ZNF398: variants seen among roughly 807,000 people sequenced by gnomAD.
ZNF398 encodes zinc finger protein 398, also known as zinc finger DNA binding protein ZER6.
A neutral mutation model predicts 41.9 loss-of-function variants in ZNF398; 18 were observed. The observed-to-expected ratio is 0.43, with a 90% CI of 0.30 to 0.64. ZNF398 has a LOEUF of 0.64. ZNF398 is among the 30% of genes least tolerant of loss of function. The pLI, the probability that ZNF398 is intolerant of heterozygous loss-of-function variation, is 0.14. For missense variants in ZNF398, 669 were observed against 822.8 expected (o/e 0.81, Z 2.29); for synonymous variants, 260 against 308.8 (o/e 0.84, Z 1.66).
intron 2 of ZNF398, among the ~76,000 whole-genome samples, chr7:149,138,528 C>T (rs545185405): frequency 5.3e-5 from 8 of 152,090 alleles, no homozygotes; most frequent in African/African-American, 7.2e-5. Context: ...TGCAATGAGC[C>T]GAGATCGTGC....
At chr7:149,142,480 A>C (rs986617370), upstream of ZNF398, among the ~76,000 whole-genome samples, 2 of 152,166 alleles carry the variant, frequency 1.3e-5, no homozygotes, top group African/African-American at 4.8e-5. Context: ...ATCCTGGCTA[A>C]CACGGTGAAA....
intron 2 of ZNF398, among the ~76,000 whole-genome samples, chr7:149,140,946 G>A (rs1013996827): frequency 3.3e-5 from 5 of 151,260 alleles, no homozygotes; most frequent in African/African-American, 7.3e-5. Flanking sequence ...AGGCTGAGAC[G>A]GGAGAATTGC....
chr7:149,128,269 C>A (rs905062613), intron 1 of ZNF398, among the ~76,000 whole-genome samples: 1 of 152,052 alleles, frequency 6.6e-6, no homozygotes, highest in Non-Finnish European at 1.5e-5. Context: ...CAACTCCAAG[C>A]GGTGCTTACA....
At chr7:149,130,404 G>A (rs550421868) in intron 2 of ZNF398, among the ~76,000 whole-genome samples, 49 of 152,296 alleles carry the variant, frequency 3.2e-4, no homozygotes, top group Non-Finnish European at 1.8e-4. Context: ...CCTTTTCCAA[G>A]TTTTGGAATT....
Position 149,141,447 on chromosome 7 carries a change from C to CTTTTTTTTTTTT in ZNF398, c.-489-12490_-489-12489insTTTTTTTTTTTT, listed in dbSNP as rs35331670. Among the ~76,000 whole-genome samples, 8 of 116,816 alleles carry CTTTTTTTTTTTT rather than the reference C, an allele frequency of 6.8e-5. 3 individuals carry two copies. The highest frequency in any genetic ancestry group is 1.1e-4 in the Admixed American group (1 of 9,002). 76.6% of individuals were successfully genotyped at this position (116,816 alleles called of 152,430 possible). ...AGTAGCTAGGATTACAGCTACTTTT[C>CTTTTTTTTTTTT]TTTTTTTTCTTTTTTTTTTTTTTTT... On this transcript the variant is annotated intron_variant, in intron 2 of 6. Coordinates refer to the ZNF398 transcript ENST00000426851.
chr7:149,169,377 G>T (rs1024678698), intron 4 of ZNF398, among the ~76,000 whole-genome samples: 3 of 152,098 alleles, frequency 2.0e-5, no homozygotes, highest in Non-Finnish European at 4.4e-5. Context: ...GAGCCACCGT[G>T]CCTGGCCTGT....
chr7:149,128,414 T>G (rs529896813), intron 1 of ZNF398, among the ~76,000 whole-genome samples: 1 of 152,194 alleles, frequency 6.6e-6, no homozygotes, highest in African/African-American at 2.4e-5. Flanking sequence ...GTGACTGTCT[T>G]TAGATGGCAA....
chr7:149,142,508 A>G (rs914518564), upstream of ZNF398, among the ~76,000 whole-genome samples: 1 of 152,170 alleles, frequency 6.6e-6, no homozygotes, highest in South Asian at 2.1e-4. Flanking sequence ...TCTACTAAAA[A>G]TACAAAAAAT....
intron 2 of ZNF398, among the ~76,000 whole-genome samples, chr7:149,136,335 C>G (rs1826712907): frequency 6.6e-6 from 1 of 152,260 alleles, no homozygotes; most frequent in African/African-American, 2.4e-5. Flanking sequence ...AGAGGCACTC[C>G]TCACTTTTTA....
intron 2 of ZNF398, among the ~76,000 whole-genome samples, chr7:149,157,530 CA>C (rs775907640): frequency 2.3e-3 from 176 of 77,816 alleles, no homozygotes; most frequent in Admixed American, 2.3e-3. Flanking sequence ...GACTCCGTCT[CA>C]AAAAAAAAAA....
chr7:149,141,761 T>C (rs1470547280), intron 2 of ZNF398, among the ~76,000 whole-genome samples: 1 of 151,526 alleles, frequency 6.6e-6, no homozygotes, highest in African/African-American at 2.4e-5. Flanking sequence ...GCCTAATTTT[T>C]GTATTTTTGT....
At chr7:149,139,203 C>T (rs1826773646) in intron 2 of ZNF398, among the ~76,000 whole-genome samples, 1 of 152,018 alleles carries the variant, frequency 6.6e-6, no homozygotes, top group East Asian at 1.9e-4. Flanking sequence ...AGCCACTGCG[C>T]CCAGCCAATT....
Position 149,180,563 on chromosome 7 carries a change from A to G in ZNF398, c.*762A>G, listed in dbSNP as rs2129522117. ...ATCTTTGCCAAGGTCCTGGTTAAAA[A>G]AATTGGAAACGGTTTTCTTAGCCCC... is the stretch of plus-strand genomic sequence containing the variant. On this transcript the variant is annotated 3_prime_UTR_variant, in exon 6 of 6. Coordinates refer to ENST00000475153, the MANE Select transcript of ZNF398 (RefSeq NM_170686.3). 1 of 152,374 alleles carries G rather than the reference A, an allele frequency of 6.6e-6. No individual in the cohort carries two copies. Among genetic ancestry groups the G allele is most frequent in the Non-Finnish European group, 1.5e-5 (1 of 68,038 alleles). 9.4% of individuals were successfully genotyped at this position (152,374 alleles called of 1,614,324 possible).
At position 149,179,317 on chromosome 7, in the gene ZNF398, C is replaced by T; in HGVS notation, c.1445C>T (p.Pro482Leu). The T allele has an allele frequency of 6.2e-7, 1 of 1,613,274 alleles. No homozygotes were observed. Among genetic ancestry groups the T allele is most frequent in the Non-Finnish European group, 8.5e-7 (1 of 1,179,990 alleles). The change falls in exon 6 of 6, where the codon CCT becomes CTT. Residue 482 changes from proline to leucine, a missense_variant. By Grantham distance (98) the Pro-to-Leu change is moderately conservative. Around this residue, in one of 3 missense-constraint regions of ZNF398, gnomAD observed 210 missense variants for 290.4 expected, o/e 0.72. Coordinates refer to ENST00000475153, the MANE Select transcript of ZNF398 (RefSeq NM_170686.3). This position sits in a 1 kb window ranked among gnomAD's most constrained non-coding sequence, Gnocchi z 6.1. ...CAGCGGGGTCATGCACAAGAGCGCC[C>T]TTTCTCCTGCCCTCAGTGTGGCATT... is the stretch of plus-strand genomic sequence containing the variant. ...LHQRGHAQERPFSCPQCGIDF... is the reference protein window; with the variant it reads ...LHQRGHAQERLFSCPQCGIDF...
In ZNF398 at chr7:149,179,197, T is replaced by TCACCAGC; in HGVS notation, c.1330_1336dup (p.Arg446GlnfsTer48). On this transcript the variant is annotated frameshift_variant, in exon 6 of 6. Coordinates refer to ENST00000475153, the MANE Select transcript of ZNF398 (RefSeq NM_170686.3). LOFTEE classifies it high-confidence loss of function. This position sits in a 1 kb window ranked among gnomAD's most constrained non-coding sequence, Gnocchi z 6.1. ...AAGCGCTTTGCTGACCAGGCTCGAC[T>TCACCAGC]CACCAGCCACCGGAGAGCTCATGCA... 6.2e-7 allele frequency: 1 copy of TCACCAGC among 1,613,574 alleles called. No homozygotes were observed. The highest frequency in any genetic ancestry group is 8.5e-7 in the Non-Finnish European group (1 of 1,179,988).
intron 2 of ZNF398, among the ~76,000 whole-genome samples, chr7:149,133,763 T>TTTTTTTTTTTTTTG (rs1826654292): frequency 7.1e-6 from 1 of 140,276 alleles, no homozygotes; most frequent in African/African-American, 2.7e-5. Flanking sequence ...TTTTTTTTTT[T>TTTTTTTTTTTTTTG]GTTTTTTTGA....
At position 149,178,748 on chromosome 7, in the gene ZNF398, T is replaced by C; in HGVS notation, c.876T>C (p.Ala292=). 1.9e-6 allele frequency: 3 copies of C among 1,614,214 alleles called. No individual in the cohort carries two copies. The highest frequency in any genetic ancestry group is 2.2e-5 in the East Asian group (1 of 44,890). ...CTCCACCAGCAGCAGCAAAGGATGCTTTTTCAGATGTGGCTTTCAAAAGCC... is the reference window on the plus strand; with the variant it reads ...CTCCACCAGCAGCAGCAAAGGATGCCTTTTCAGATGTGGCTTTCAAAAGCC... ...FSSPPAAAKD[A]FSDVAFKSQQ... The change falls in exon 6 of 6, where the codon GCT becomes GCC. Residue 292 remains alanine, a synonymous_variant. Coordinates refer to ENST00000475153, the MANE Select transcript of ZNF398 (RefSeq NM_170686.3).
rs565997974 is a variant in ZNF398 at position 149,164,817 on chromosome 7, C to T, written c.421-1341C>T. On this transcript the variant is annotated intron_variant, in intron 2 of 5. Coordinates refer to ENST00000475153, the MANE Select transcript of ZNF398 (RefSeq NM_170686.3). ...AGTGTGAAAAGAAATTGTGGGAGGCCGGGCACGGTGGCTCACACCTGTAAT... is the reference window on the plus strand; with the variant it reads ...AGTGTGAAAAGAAATTGTGGGAGGCTGGGCACGGTGGCTCACACCTGTAAT... Among the ~76,000 whole-genome samples the T allele has an allele frequency of 2.0e-5, 3 of 152,126 alleles. No homozygotes were observed. In the South Asian group the frequency reaches 6.2e-4, roughly 32 times the overall value.
intron 1 of ZNF398, among the ~76,000 whole-genome samples, chr7:149,127,548 C>CAAA (rs61080328): frequency 0.065 from 4,872 of 74,786 alleles, 311 homozygotes; most frequent in African/African-American, 0.12. Flanking sequence ...ACTAAAAATA[C>CAAA]AAAAAAAAAA....
Sources: allele counts gnomAD v4.1 joint callset (sites outside exome capture counted in the v4.1 genomes callset), GRCh38; gene constraint gnomAD v4.1.1; regional missense constraint gnomAD v4.1.1; non-coding constraint Gnocchi (gnomAD v3.1); transcripts MANE v1.5; gene names NCBI Gene and HGNC (gene_info 2026-07-23, HGNC 2026-07-21).